The following PPARD variants were observed in gnomAD, a reference collection of about 807,000 sequenced individuals.
PPARD encodes the protein peroxisome proliferator-activated receptor delta.
A neutral mutation model predicts 39.5 loss-of-function variants in PPARD; 6 were observed. The ratio of observed to expected loss-of-function variants is 0.15; its 90% confidence interval spans 0.08 to 0.30. PPARD has a LOEUF of 0.30. PPARD is among the 10% of genes least tolerant of loss of function. The pLI is 1.00. For synonymous variants in PPARD, 210 were observed against 231.3 expected (o/e 0.91, Z 0.83); for missense variants, 397 against 596.8 (o/e 0.67, Z 3.49).
intron 3 of PPARD, among the ~76,000 whole-genome samples, chr6:35,416,228 CA>C (rs1013877206): frequency 6.6e-6 from 1 of 150,730 alleles, no homozygotes; most frequent in Admixed American, 6.6e-5. Flanking sequence ...CTAAAAATAC[CA>C]AAAAAAACTA....
chr6:35,394,870 C>G (rs139283209), intron 2 of PPARD, among the ~76,000 whole-genome samples: 6 of 151,514 alleles, frequency 4.0e-5, no homozygotes, highest in Non-Finnish European at 8.8e-5. Flanking sequence ...ATACAAATGT[C>G]TTTTACATTT....
chr6:35,377,128 C>G (rs898473343), intron 2 of PPARD, among the ~76,000 whole-genome samples: 2 of 152,128 alleles, frequency 1.3e-5, no homozygotes, highest in African/African-American at 4.8e-5. Context: ...CTTTGAGGCT[C>G]TCTTCTTGAT....
intron 2 of PPARD, among the ~76,000 whole-genome samples, chr6:35,350,145 C>A (rs780526854): frequency 2.6e-5 from 4 of 152,078 alleles, no homozygotes; most frequent in Admixed American, 6.6e-5. Flanking sequence ...GTTATATATT[C>A]TTGTTATTAA....
chr6:35,404,238 G>A (rs1764880507), intron 2 of PPARD, among the ~76,000 whole-genome samples: 1 of 152,210 alleles, frequency 6.6e-6, no homozygotes, highest in Admixed American at 6.5e-5. Context: ...GTGTGACCTT[G>A]AGCCAATTAC....
chr6:35,400,351 G>A (rs1240282995), intron 2 of PPARD, among the ~76,000 whole-genome samples: 1 of 152,170 alleles, frequency 6.6e-6, no homozygotes, highest in Non-Finnish European at 1.5e-5. Context: ...GGGGTGTAGT[G>A]ATAAATGAAA....
intron 3 of PPARD, among the ~76,000 whole-genome samples, chr6:35,411,526 A>G (rs1279303826): frequency 1.3e-5 from 2 of 152,226 alleles, no homozygotes; most frequent in African/African-American, 4.8e-5. Flanking sequence ...CATCATTATT[A>G]GTATTCCCAC....
chr6:35,385,302 G>A (rs1416184506), intron 2 of PPARD, among the ~76,000 whole-genome samples: 2 of 150,066 alleles, frequency 1.3e-5, no homozygotes, highest in Non-Finnish European at 3.0e-5. Context: ...GAAAACTTCT[G>A]CCTTGGGATC....
At chr6:35,404,888 T>C (rs1581638504) in intron 2 of PPARD, among the ~76,000 whole-genome samples, 1 of 152,174 alleles carries the variant, frequency 6.6e-6, no homozygotes, top group African/African-American at 2.4e-5. Flanking sequence ...GGGCTGAGTT[T>C]CTTCTTGGGG....
intron 2 of PPARD, among the ~76,000 whole-genome samples, chr6:35,365,641 C>G (rs781272172): frequency 2.0e-5 from 3 of 151,480 alleles, no homozygotes; most frequent in Non-Finnish European, 2.9e-5. Flanking sequence ...CAGGCATGTG[C>G]CATCATGCCC....
At chr6:35,391,590 C>T (rs189456383) in intron 2 of PPARD, among the ~76,000 whole-genome samples, 3 of 152,270 alleles carry the variant, frequency 2.0e-5, no homozygotes. Flanking sequence ...CAGTGAACTT[C>T]GAAAGGAACT....
Position 35,363,612 on chromosome 6 carries a change from A to G in PPARD, c.-102+16462A>G, listed in dbSNP as rs189973912. 3.0e-4 allele frequency among the ~76,000 whole-genome samples: 45 copies of G among 152,210 alleles called. 1 individual carries two copies. In the East Asian group the frequency reaches 6.8e-3, roughly 23 times the overall value. On this transcript the variant is annotated intron_variant, in intron 2 of 7. Coordinates refer to ENST00000360694, the MANE Select transcript of PPARD (RefSeq NM_006238.5). This position sits in a 1 kb window ranked among gnomAD's most constrained non-coding sequence, Gnocchi z 4.5. The stretch of plus-strand genomic sequence containing the variant: ...GGACCCACCAGGAAAGGGTGGATCC[A>G]GTGAGGCGGGGGCCAGGCCTTGCCC...
intron 2 of PPARD, among the ~76,000 whole-genome samples, chr6:35,347,597 A>G (rs1760944458): frequency 6.6e-6 from 1 of 151,546 alleles, no homozygotes; most frequent in Admixed American, 6.6e-5. Context: ...ATATATATAT[A>G]TATATATTTT....
intron 2 of PPARD, among the ~76,000 whole-genome samples, chr6:35,380,007 C>G (rs1333632011): frequency 1.3e-5 from 2 of 152,156 alleles, no homozygotes; most frequent in Non-Finnish European, 2.9e-5. Context: ...TTTACCTGTT[C>G]AATGAATCTG....
intron 2 of PPARD, among the ~76,000 whole-genome samples, chr6:35,351,481 A>G (rs1004720056): frequency 2.0e-5 from 3 of 152,208 alleles, no homozygotes; most frequent in Admixed American, 2.0e-4. Flanking sequence ...CACAGTGGTC[A>G]ATACACGTTT....
chr6:35,384,025 C>G (rs1253582566), intron 2 of PPARD, among the ~76,000 whole-genome samples: 1 of 148,566 alleles, frequency 6.7e-6, no homozygotes, highest in Non-Finnish European at 1.5e-5. Context: ...GCCGCCCCGT[C>G]AGGGAGGGAG....
rs1581680856 is a variant in PPARD at position 35,425,268 on chromosome 6, T to C, written c.1078+489T>C. 1.0e-6 allele frequency: 1 copy of C among 1,000,822 alleles called. No individual in the cohort carries two copies. Among genetic ancestry groups the C allele is most frequent in the East Asian group, 9.8e-5 (1 of 10,244 alleles). 62.0% of individuals were successfully genotyped at this position (1,000,822 alleles called of 1,614,324 possible). ...CAGCCTGGGTGACAGAGTGAGACCC[T>C]GTCTCAAAAAAAAGGAAAAGGACTA... On this transcript the variant is annotated intron_variant, in intron 7 of 7. Coordinates refer to ENST00000360694, the MANE Select transcript of PPARD (RefSeq NM_006238.5). This position sits in a 1 kb window ranked among gnomAD's most constrained non-coding sequence, Gnocchi z 4.5.
intron 3 of PPARD, among the ~76,000 whole-genome samples, chr6:35,416,237 C>A (rs905622205): frequency 6.6e-6 from 1 of 151,530 alleles, no homozygotes; most frequent in African/African-American, 2.4e-5. Flanking sequence ...CCAAAAAAAA[C>A]TAGCTGGGCG....
At chr6:35,384,134 G>C (rs2150606452) in intron 2 of PPARD, among the ~76,000 whole-genome samples, 1 of 145,246 alleles carries the variant, frequency 6.9e-6, no homozygotes, top group Non-Finnish European at 1.5e-5. Flanking sequence ...CGGGAGGTGA[G>C]GGGCGCCTCT....
intron 5 of PPARD, 113 bp from the exon 6 acceptor site, chr6:35,423,833 T>A: frequency 1.0e-6 from 1 of 964,264 alleles, no homozygotes; most frequent in South Asian, 1.6e-5. Context: ...CTAGAGCTTC[T>A]GGGGGCCTTA....
Sources: allele counts gnomAD v4.1 joint callset (sites outside exome capture counted in the v4.1 genomes callset), GRCh38; gene constraint gnomAD v4.1.1; non-coding constraint Gnocchi (gnomAD v3.1); transcripts MANE v1.5; gene names NCBI Gene and HGNC (gene_info 2026-07-23, HGNC 2026-07-21).